The following ITGB5 variants were observed in gnomAD, a reference collection of about 807,000 sequenced individuals.
ITGB5 encodes integrin subunit beta 5.
In ITGB5, 38 loss-of-function variants were observed where a neutral mutation model predicts 84.8. The observed-to-expected ratio is 0.45, with a 90% CI of 0.35 to 0.59. ITGB5 has a LOEUF of 0.59. Ranked by LOEUF, ITGB5 falls within the 20% of genes least tolerant of loss-of-function variation. ITGB5 has a pLI of 0.01. For synonymous variants in ITGB5, 393 were observed against 414.4 expected, an observed-to-expected ratio of 0.95 and a Z score of 0.63; for missense variants, 905 against 1,034.5, an observed-to-expected ratio of 0.87 and a Z score of 1.72.
At chr3:124,867,440 CTCTG>C (rs2107631310) in intron 2 of ITGB5, among the ~76,000 whole-genome samples, 1 of 152,358 alleles carries the variant, frequency 6.6e-6, no homozygotes, top group African/African-American at 2.4e-5. Context: ...AGTGCAATCT[CTCTG>C]TCTGCCTTTG....
At chr3:124,773,584 T>C in intron 11 of ITGB5, 106 bp downstream of exon 11, 1 of 940,570 alleles carries the variant, frequency 1.1e-6, no homozygotes. Context: ...GGGTGGGAGA[T>C]GCAGGAGGTG....
At chr3:124,823,202 G>A (rs569804171) in intron 5 of ITGB5, among the ~76,000 whole-genome samples, 1 of 152,252 alleles carries the variant, frequency 6.6e-6, no homozygotes, top group Non-Finnish European at 1.5e-5. Context: ...GTTTGAGACT[G>A]CAGTGAGCTA....
intron 5 of ITGB5, among the ~76,000 whole-genome samples, chr3:124,833,440 C>T (rs1399517021): frequency 1.3e-5 from 2 of 152,342 alleles, no homozygotes; most frequent in African/African-American, 4.8e-5. Flanking sequence ...AATGGATCTG[C>T]AGGCTCAAAT....
chr3:124,865,258 C>A (rs552413312), intron 2 of ITGB5, among the ~76,000 whole-genome samples: 2 of 152,052 alleles, frequency 1.3e-5, no homozygotes, highest in South Asian at 2.1e-4. Context: ...AAATGGCAAC[C>A]TTTTGTTCCT....
chr3:124,893,781 G>A (rs1025348799), intron 1 of ITGB5, among the ~76,000 whole-genome samples: 1 of 152,204 alleles, frequency 6.6e-6, no homozygotes, highest in Non-Finnish European at 1.5e-5. Context: ...CCAAGTGTGA[G>A]GGGGGTGGAA....
chr3:124,887,781 C>T, upstream of ITGB5: 1 of 362,196 alleles, frequency 2.8e-6, no homozygotes, highest in Non-Finnish European at 5.9e-6. Context: ...CCGCCTCATC[C>T]TCCCAAAGCC....
intron 2 of ITGB5, among the ~76,000 whole-genome samples, chr3:124,871,438 C>T (rs1361821193): frequency 6.6e-6 from 1 of 152,170 alleles, no homozygotes; most frequent in East Asian, 1.9e-4. Context: ...TTGTGATCCA[C>T]CCGTCTCAGC....
intron 10 of ITGB5, among the ~76,000 whole-genome samples, chr3:124,793,382 G>T (rs1217263539): frequency 6.6e-6 from 1 of 152,180 alleles, no homozygotes; most frequent in Non-Finnish European, 1.5e-5. Context: ...TAAAAAGCCT[G>T]CCAGGCTGCT....
intron 2 of ITGB5, among the ~76,000 whole-genome samples, chr3:124,870,005 G>C (rs966538401): frequency 6.6e-6 from 1 of 152,144 alleles, no homozygotes; most frequent in Non-Finnish European, 1.5e-5. Flanking sequence ...TCTCATGCAC[G>C]GATCTCATTT....
chr3:124,768,745 C>T (rs1213435075), intron 12 of ITGB5, among the ~76,000 whole-genome samples: 2 of 152,200 alleles, frequency 1.3e-5, no homozygotes, highest in Non-Finnish European at 2.9e-5. Context: ...ACCTAATCCT[C>T]TAGGCTGTAT....
chr3:124,860,027 T>C (rs1199919375), intron 2 of ITGB5, among the ~76,000 whole-genome samples: 1 of 152,212 alleles, frequency 6.6e-6, no homozygotes, highest in Non-Finnish European at 1.5e-5. Context: ...CTTTAAGTTG[T>C]TCACTTATCA....
chr3:124,798,434 T>C (rs1225993615), intron 9 of ITGB5, among the ~76,000 whole-genome samples: 3 of 152,082 alleles, frequency 2.0e-5, no homozygotes, highest in African/African-American at 7.2e-5. Flanking sequence ...GTTGTTGTTG[T>C]TGTTTGAGAC....
chr3:124,889,803 C>T (rs1934957650), upstream of ITGB5, among the ~76,000 whole-genome samples: 1 of 152,110 alleles, frequency 6.6e-6, no homozygotes, highest in East Asian at 1.9e-4. Context: ...AGCTTGAGGC[C>T]AAAGTTCGAG....
At chr3:124,820,745 G>A (rs1265107412) in intron 6 of ITGB5, among the ~76,000 whole-genome samples, 1 of 152,070 alleles carries the variant, frequency 6.6e-6, no homozygotes, top group Non-Finnish European at 1.5e-5. Flanking sequence ...TCATTTTACT[G>A]GTCTATTATT....
chr3:124,814,337 T>A (rs935428849), intron 8 of ITGB5, among the ~76,000 whole-genome samples: 2 of 152,052 alleles, frequency 1.3e-5, no homozygotes, highest in East Asian at 3.8e-4. Flanking sequence ...TTTGGAGTAA[T>A]GAACATGTTC....
intron 9 of ITGB5, among the ~76,000 whole-genome samples, chr3:124,799,709 G>C (rs1318786665): frequency 6.6e-6 from 1 of 152,204 alleles, no homozygotes; most frequent in Non-Finnish European, 1.5e-5. Context: ...AGAAAACAGG[G>C]TTGGCGGGGT....
Position 124,776,256 on chromosome 3 carries a change from G to T in ITGB5, c.1694-2344C>A, listed in dbSNP as rs192983266. Among the ~76,000 whole-genome samples the T allele has an allele frequency of 8.4e-4, 128 of 152,242 alleles. 1 individual carries two copies. Among genetic ancestry groups the T allele is most frequent in the African/African-American group, 3.1e-3 (128 of 41,578 alleles). Reference sequence around the variant, plus strand: ...TCCTGCCCCTCCTCTCCACCAGTCTGGGACCAGCACCACTTTTGAGCCTTG... The same window carrying T: ...TCCTGCCCCTCCTCTCCACCAGTCTTGGACCAGCACCACTTTTGAGCCTTG... On this transcript the variant is annotated intron_variant, in intron 10 of 14. Transcript: ENST00000296181.
At chr3:124,789,328 A>G (rs1041866288) in intron 10 of ITGB5, among the ~76,000 whole-genome samples, 2 of 152,252 alleles carry the variant, frequency 1.3e-5, no homozygotes, top group Non-Finnish European at 2.9e-5. Context: ...TAATCTCAGG[A>G]GTGGCTTTAA....
intron 1 of ITGB5, among the ~76,000 whole-genome samples, chr3:124,899,852 T>TAAAA (rs1935182490): frequency 2.4e-4 from 1 of 4,254 alleles, no homozygotes; most frequent in African/African-American, 4.7e-4. Context: ...AGACCCTGTC[T>TAAAA]CAAAAAAAAA....
Sources: allele counts gnomAD v4.1 joint callset (sites outside exome capture counted in the v4.1 genomes callset), GRCh38; gene constraint gnomAD v4.1.1; transcripts MANE v1.5; gene names NCBI Gene and HGNC (gene_info 2026-07-23, HGNC 2026-07-21).